Variants in CNIH3 observed in about 807,000 individuals in gnomAD.
CNIH3 encodes protein cornichon homolog 3.
In CNIH3, 14 loss-of-function variants were observed where a neutral mutation model predicts 24.1. The ratio of observed to expected loss-of-function variants is 0.58; its 90% confidence interval spans 0.38 to 0.91. The LOEUF (loss-of-function observed/expected upper bound fraction) is 0.91, where lower values mean the gene tolerates loss of function less well. Among genes scored for constraint, CNIH3 ranks in the 40% least tolerant of loss-of-function variants. The probability of loss-of-function intolerance (pLI) is 0.00; values close to 1 mark genes in which losing one functional copy is unlikely to be tolerated. For missense variants in CNIH3, 178 were observed against 196.8 expected (o/e 0.90, Z 0.57); for synonymous variants, 68 against 73.8 (o/e 0.92, Z 0.40).
chr1:224,498,524 T>C (rs1455244448), intron 1 of CNIH3, among the ~76,000 whole-genome samples: 3 of 152,198 alleles, frequency 2.0e-5, no homozygotes, highest in African/African-American at 4.8e-5. Context: ...CTGTCTTCTT[T>C]GATGCAGATA....
chr1:224,579,060 C>CTTTTTTTTTTTTTTTTTTTTTTTT, intron 4 of CNIH3, among the ~76,000 whole-genome samples: 1 of 147,734 alleles, frequency 6.8e-6, no homozygotes, highest in Non-Finnish European at 1.5e-5. Context: ...GATCATGTTT[C>CTTTTTTTTTTTTTTTTTTTTTTTT]TTTTTTCTTT....
intron 1 of CNIH3, among the ~76,000 whole-genome samples, chr1:224,466,922 A>G (rs1407821389): frequency 6.6e-6 from 1 of 152,088 alleles, no homozygotes. Context: ...TGCTAATTAT[A>G]TTGTTTGCTT....
chr1:224,651,858 A>G (rs962558090), intron 1 of CNIH3, among the ~76,000 whole-genome samples: 2 of 152,164 alleles, frequency 1.3e-5, no homozygotes, highest in Admixed American at 6.5e-5. Flanking sequence ...TGCTAAGTGA[A>G]GGATATGTGT....
chr1:224,622,990 G>A (rs1572605871), intron 1 of CNIH3, among the ~76,000 whole-genome samples: 1 of 152,112 alleles, frequency 6.6e-6, no homozygotes. Context: ...ACTCCTATGG[G>A]CCCCTCCACT....
chr1:224,684,972 A>G lies in CNIH3; in HGVS notation c.198+129A>G. 1 of 875,870 alleles carries G rather than the reference A, an allele frequency of 1.1e-6. No individual in the cohort carries two copies. Among genetic ancestry groups the G allele is most frequent in the Non-Finnish European group, 1.9e-6 (1 of 515,854 alleles). The allele number at this position is 875,870 out of a possible 1,614,324, so 54.3% of individuals were successfully genotyped here. On this transcript the variant is annotated intron_variant, in intron 3 of 5. Transcript: ENST00000272133. The surrounding 1 kb of genome is among the most constrained non-coding windows in gnomAD (Gnocchi z 4.2). The stretch of plus-strand genomic sequence containing the variant: ...CAGGGAGGCAAATGGTGGCAGGGAA[A>G]GGGGGAGGTGGGAGCAAGTGATCAG...
At chr1:224,437,390 A>G (rs953395509) in intron 1 of CNIH3, among the ~76,000 whole-genome samples, 1 of 152,206 alleles carries the variant, frequency 6.6e-6, no homozygotes, top group Non-Finnish European at 1.5e-5. Context: ...TGAAATAGCA[A>G]ACAAGCCTTT....
At chr1:224,580,563 T>C (rs1339985374) in intron 4 of CNIH3, among the ~76,000 whole-genome samples, 1 of 152,038 alleles carries the variant, frequency 6.6e-6, no homozygotes, top group Non-Finnish European at 1.5e-5. Context: ...AAAGGAGGGG[T>C]AGGCCAGTAA....
In CNIH3 at chr1:224,446,732, A is replaced by G. The variant is rs78499014; in HGVS notation, n.203+11870A>G. 7.2e-5 allele frequency among the ~76,000 whole-genome samples: 11 copies of G among 152,282 alleles called. No individual in the cohort carries two copies. In the East Asian group the frequency reaches 2.1e-3, roughly 29 times the overall value. The stretch of plus-strand genomic sequence containing the variant: ...AATTTAATGATACAGCTGGTGTTTC[A>G]TTATTTTTAAAGAATCAGATTTAAA... On this transcript the variant is annotated intron_variant and non_coding_transcript_variant, in intron 1 of 5. Transcript: ENST00000471578.
chr1:224,515,551 T>C (rs1391965957), upstream of CNIH3, among the ~76,000 whole-genome samples: 1 of 152,246 alleles, frequency 6.6e-6, no homozygotes, highest in South Asian at 2.1e-4. Flanking sequence ...TTATATTGTC[T>C]TGTTTGCCCT....
chr1:224,586,339 G>A (rs546519644), intron 5 of CNIH3, among the ~76,000 whole-genome samples: 5 of 152,296 alleles, frequency 3.3e-5, no homozygotes, highest in South Asian at 2.1e-4. Context: ...CATGTCTCAC[G>A]TGGTGGCAGA....
intron 3 of CNIH3, among the ~76,000 whole-genome samples, chr1:224,707,527 T>C (rs1223872341): frequency 7.2e-6 from 1 of 138,544 alleles, no homozygotes; most frequent in Non-Finnish European, 1.5e-5. Flanking sequence ...TCTACTCCAC[T>C]GTGGGCTTGG....
chr1:224,457,310 T>TCC (rs1675714646), intron 1 of CNIH3, among the ~76,000 whole-genome samples: 1 of 151,724 alleles, frequency 6.6e-6, no homozygotes, highest in Non-Finnish European at 1.5e-5. Flanking sequence ...TGTGTGTGTG[T>TCC]GTGTGTGTCC....
intron 2 of CNIH3, among the ~76,000 whole-genome samples, chr1:224,545,024 A>T (rs1001142380): frequency 6.6e-6 from 1 of 152,226 alleles, no homozygotes; most frequent in African/African-American, 2.4e-5. Context: ...TCCTGCTCAG[A>T]TAAGCCTTCC....
chr1:224,456,761 A>C (rs867063356), intron 1 of CNIH3, among the ~76,000 whole-genome samples: 3 of 152,298 alleles, frequency 2.0e-5, no homozygotes, highest in African/African-American at 2.4e-5. Flanking sequence ...CTCCCAGGGA[A>C]GACATTAGCT....
At chr1:224,701,243 A>G (rs1687472615) in intron 3 of CNIH3, among the ~76,000 whole-genome samples, 1 of 150,172 alleles carries the variant, frequency 6.7e-6, no homozygotes, top group Admixed American at 6.6e-5. Flanking sequence ...CTAGACATGG[A>G]AGATTGGTTC....
chr1:224,498,031 A>G (rs997148970), intron 1 of CNIH3, among the ~76,000 whole-genome samples: 1 of 152,222 alleles, frequency 6.6e-6, no homozygotes, highest in Non-Finnish European at 1.5e-5. Flanking sequence ...AAGGAGGAAG[A>G]ATCTTCAGGC....
chr1:224,443,469 T>C (rs924626808), intron 1 of CNIH3, among the ~76,000 whole-genome samples: 1 of 152,064 alleles, frequency 6.6e-6, no homozygotes, highest in Non-Finnish European at 1.5e-5. Flanking sequence ...GCCACAGATA[T>C]CTAACTGAGA....
At chr1:224,739,117 G>A (rs940541302) in intron 5 of CNIH3, among the ~76,000 whole-genome samples, 1 of 152,016 alleles carries the variant, frequency 6.6e-6, no homozygotes, top group African/African-American at 2.4e-5. Context: ...GATACAATAT[G>A]CTCTCCCAAA....
At chr1:224,573,671 C>A (rs1680914665) in intron 4 of CNIH3, among the ~76,000 whole-genome samples, 1 of 152,172 alleles carries the variant, frequency 6.6e-6, no homozygotes. Flanking sequence ...CACCCCATAT[C>A]AGAACTCAAG....
Sources: gnomAD v4.1 joint callset for allele counts (sites outside exome capture counted in the v4.1 genomes callset) on GRCh38, gnomAD v4.1.1 for gene constraint, Gnocchi (gnomAD v3.1) non-coding constraint, MANE v1.5 for transcripts, NCBI Gene and HGNC (gene_info 2026-07-23, HGNC 2026-07-21) for gene names.